The following ANO2 variants were observed in gnomAD, a reference collection of about 807,000 sequenced individuals.
The protein encoded by ANO2 is anoctamin 2.
Under a neutral mutation model 124.2 loss-of-function variants are expected in ANO2, and 101 were observed. The observed-to-expected ratio is 0.81, with a 90% CI of 0.69 to 0.96. The LOEUF (loss-of-function observed/expected upper bound fraction) is 0.96. ANO2 is among the 40% of genes least tolerant of loss of function. ANO2 has a pLI of 0.00. For synonymous variants in ANO2, 486 were observed against 482.5 expected (o/e 1.01, Z -0.09); for missense variants, 1,293 against 1,274.5 (o/e 1.01, Z -0.22).
At chr12:5,828,417 C>G (rs1000339669) in intron 6 of ANO2, among the ~76,000 whole-genome samples, 1 of 152,192 alleles carries the variant, frequency 6.6e-6, no homozygotes, top group Admixed American at 6.5e-5. Context: ...TGCTCGGGGA[C>G]GCCAGCCAGA....
At chr12:5,818,237 T>A (rs1953671299) in intron 7 of ANO2, among the ~76,000 whole-genome samples, 1 of 151,590 alleles carries the variant, frequency 6.6e-6, no homozygotes, top group Non-Finnish European at 1.5e-5. Context: ...GTGGGCACCA[T>A]CTAATCAGCT....
At chr12:5,598,968 C>CT (rs11428463) in intron 20 of ANO2, among the ~76,000 whole-genome samples, 125,315 of 152,138 alleles carry the variant, frequency 0.82, 52,026 homozygotes, top group Admixed American at 0.9. Flanking sequence ...ATAGACCCAA[C>CT]TTTTGTTAAA....
intron 4 of ANO2, among the ~76,000 whole-genome samples, chr12:5,839,274 A>T (rs775919299): frequency 6.6e-6 from 1 of 152,182 alleles, no homozygotes; most frequent in Non-Finnish European, 1.5e-5. Flanking sequence ...GAGCTACAGA[A>T]GGTCCCCTGT....
At chr12:5,656,834 A>G (rs1419630091) in intron 14 of ANO2, among the ~76,000 whole-genome samples, 1 of 152,246 alleles carries the variant, frequency 6.6e-6, no homozygotes, top group East Asian at 1.9e-4. Flanking sequence ...CATGGCCTAG[A>G]CACTATTAGA....
intron 16 of ANO2, among the ~76,000 whole-genome samples, chr12:5,618,271 G>T (rs555307739): frequency 3.9e-5 from 6 of 152,274 alleles, no homozygotes; most frequent in Non-Finnish European, 8.8e-5. Context: ...AACGCCCATA[G>T]ACAGAGAGTG....
chr12:5,640,618 G>GA (rs2136946424), intron 15 of ANO2, among the ~76,000 whole-genome samples: 1 of 152,278 alleles, frequency 6.6e-6, no homozygotes, highest in South Asian at 2.1e-4. Flanking sequence ...ACAGACACAT[G>GA]AAAAAATGCT....
intron 10 of ANO2, among the ~76,000 whole-genome samples, chr12:5,789,514 G>C (rs2137146821): frequency 6.6e-6 from 1 of 152,342 alleles, no homozygotes; most frequent in East Asian, 1.9e-4. Context: ...CCTGCCGCAG[G>C]CTGAGTGACT....
At chr12:5,839,794 T>C (rs1231966352) in intron 4 of ANO2, among the ~76,000 whole-genome samples, 1 of 152,204 alleles carries the variant, frequency 6.6e-6, no homozygotes, top group African/African-American at 2.4e-5. Context: ...CTCTACCTTA[T>C]AGATGAGAAC....
chr12:5,662,080 C>T (rs1247232366), intron 14 of ANO2, among the ~76,000 whole-genome samples: 1 of 152,250 alleles, frequency 6.6e-6, no homozygotes, highest in Admixed American at 6.5e-5. Flanking sequence ...TGATGACACT[C>T]AGTCCAGGGA....
rs577759801 is a variant in ANO2, at chr12:5,582,282, A to G, written c.2234-3764T>C. On this transcript the variant is annotated intron_variant, in intron 20 of 24. Transcript: ENST00000682330. ...TATAAAGCCTGCTGTAAAATGCTCC[A>G]GTAATGCTGAGCTCAAAGGCTGGAA... Among the ~76,000 whole-genome samples, 3 of 152,376 alleles carry G rather than the reference A, an allele frequency of 2.0e-5. No individual in the cohort carries two copies. In the South Asian group the frequency reaches 6.2e-4, roughly 32 times the overall value.
At chr12:5,775,203 G>T (rs897550851) in intron 10 of ANO2, among the ~76,000 whole-genome samples, 5 of 151,912 alleles carry the variant, frequency 3.3e-5, no homozygotes, top group Non-Finnish European at 7.4e-5. Flanking sequence ...TCTTTCCACT[G>T]CTAATTTCAC....
chr12:5,809,707 G>A (rs538098478), intron 7 of ANO2, among the ~76,000 whole-genome samples: 14 of 152,262 alleles, frequency 9.2e-5, no homozygotes, highest in East Asian at 3.9e-4. Flanking sequence ...TCCTGTGCAC[G>A]GTGCAGCTGG....
intron 14 of ANO2, among the ~76,000 whole-genome samples, chr12:5,687,333 C>T (rs1462586599): frequency 6.6e-6 from 1 of 152,226 alleles, no homozygotes; most frequent in African/African-American, 2.4e-5. Context: ...TACGAATGAA[C>T]GCCCTGCAGT....
intron 4 of ANO2, among the ~76,000 whole-genome samples, chr12:5,833,420 T>C (rs1254675602): frequency 6.6e-6 from 1 of 152,220 alleles, no homozygotes; most frequent in East Asian, 1.9e-4. Context: ...TTTTCACACA[T>C]ATTCTTTTAA....
At chr12:5,901,144 G>T (rs1055905478) in intron 3 of ANO2, among the ~76,000 whole-genome samples, 1 of 152,210 alleles carries the variant, frequency 6.6e-6, no homozygotes, top group Non-Finnish European at 1.5e-5. Flanking sequence ...GCAAACCCAG[G>T]CAGGAAGTAA....
Position 5,635,129 on chromosome 12 carries a change from C to G in ANO2, c.1816+23G>C, listed in dbSNP as rs1195210635. The G allele has an allele frequency of 9.7e-6, 15 of 1,542,110 alleles. No individual in the cohort carries two copies. Among genetic ancestry groups the G allele is most frequent in the African/African-American group, 1.4e-5 (1 of 72,316 alleles). Reference sequence around the variant, plus strand: ...TGACTTAAAGAGGGCCTAGGACAGCCAGAAGTCTCGGTGACACAGTACCAA... The same window carrying G: ...TGACTTAAAGAGGGCCTAGGACAGCGAGAAGTCTCGGTGACACAGTACCAA... On this transcript the variant is annotated intron_variant, in intron 16 of 24. Transcript: ENST00000682330. This position sits in a 1 kb window ranked among gnomAD's most constrained non-coding sequence, Gnocchi z 5.2.
chr12:5,613,090 A>T, intron 17 of ANO2, 132 bp from the exon 18 acceptor site: 1 of 847,000 alleles, frequency 1.2e-6, no homozygotes, highest in Non-Finnish European at 2.0e-6. Flanking sequence ...GTGCTAGATC[A>T]CTCAGGGATA....
chr12:5,774,096 A>C (rs1346512177), intron 10 of ANO2, among the ~76,000 whole-genome samples: 4 of 152,190 alleles, frequency 2.6e-5, no homozygotes, highest in African/African-American at 9.6e-5. Context: ...TGACTTTGCT[A>C]TTCCATAATG....
At chr12:5,731,740 A>T (rs1342546182) in intron 14 of ANO2, among the ~76,000 whole-genome samples, 1 of 152,154 alleles carries the variant, frequency 6.6e-6, no homozygotes, top group Non-Finnish European at 1.5e-5. Context: ...GCTCTGTTTT[A>T]ATGACTGCAT....
Sources: allele counts gnomAD v4.1 joint callset (sites outside exome capture counted in the v4.1 genomes callset), GRCh38; gene constraint gnomAD v4.1.1; non-coding constraint Gnocchi (gnomAD v3.1); transcripts MANE v1.5; gene names NCBI Gene and HGNC (gene_info 2026-07-23, HGNC 2026-07-21).